Variants in GAP43 observed in about 807,000 individuals in gnomAD.
GAP43 encodes the protein neuromodulin.
GAP43 carries 6 observed loss-of-function variants against 18.6 expected under a neutral mutation model. The ratio of observed to expected loss-of-function variants is 0.32; its 90% CI spans 0.18 to 0.64. GAP43 has a LOEUF of 0.64. Ranked by LOEUF, GAP43 falls within the 30% of genes least tolerant of loss-of-function variation. The probability of loss-of-function intolerance (pLI) is 0.78; values close to 1 mark genes in which losing one functional copy is unlikely to be tolerated. For missense variants in GAP43, 292 were observed against 295.5 expected (o/e 0.99, Z 0.09); for synonymous variants, 115 against 111.4 (o/e 1.03, Z -0.20).
chr3:115,694,605 C>CTTT (rs34241916), intron 2 of GAP43, among the ~76,000 whole-genome samples: 1 of 152,222 alleles, frequency 6.6e-6, no homozygotes, highest in Non-Finnish European at 1.5e-5. Context: ...ATCACTGTCC[C>CTTT]TTTTTTACAA....
intron 1 of GAP43, among the ~76,000 whole-genome samples, chr3:115,660,739 G>C (rs1286588879): frequency 6.6e-6 from 1 of 152,194 alleles, no homozygotes; most frequent in African/African-American, 2.4e-5. Context: ...TGGAGATATT[G>C]GTTCAGTGGG....
intron 1 of GAP43, among the ~76,000 whole-genome samples, chr3:115,632,061 C>T (rs1297448235): frequency 6.6e-6 from 1 of 152,090 alleles, no homozygotes; most frequent in African/African-American, 2.4e-5. Flanking sequence ...ATTAGAAATA[C>T]CCACTGTTTT....
intron 1 of GAP43, among the ~76,000 whole-genome samples, chr3:115,635,852 A>G (rs1164064026): frequency 6.6e-6 from 1 of 152,058 alleles, no homozygotes; most frequent in South Asian, 2.1e-4. Flanking sequence ...AGAACTGCCA[A>G]TTTTGCTGTC....
At chr3:115,708,472 G>C (rs1484072723) in intron 2 of GAP43, among the ~76,000 whole-genome samples, 3 of 152,136 alleles carry the variant, frequency 2.0e-5, no homozygotes, top group Non-Finnish European at 4.4e-5. Flanking sequence ...AGTCCAAGAA[G>C]GGAATTCTTG....
chr3:115,683,184 C>T (rs1428242223), intron 2 of GAP43, among the ~76,000 whole-genome samples: 1 of 149,310 alleles, frequency 6.7e-6, no homozygotes, highest in Non-Finnish European at 1.5e-5. Context: ...CACACACACA[C>T]ACACGACAAT....
intron 1 of GAP43, among the ~76,000 whole-genome samples, chr3:115,668,446 C>T (rs571112351): frequency 1.4e-4 from 21 of 152,224 alleles, no homozygotes; most frequent in South Asian, 2.1e-4. Flanking sequence ...TTATTTGAGA[C>T]GGAGTTTCGC....
intron 2 of GAP43, among the ~76,000 whole-genome samples, chr3:115,699,532 C>A (rs1030924833): frequency 6.6e-6 from 1 of 152,140 alleles, no homozygotes. Context: ...ATCAAACACC[C>A]CCTCTCTTCC....
At chr3:115,702,709 A>G (rs1709311119) in intron 2 of GAP43, among the ~76,000 whole-genome samples, 1 of 152,134 alleles carries the variant, frequency 6.6e-6, no homozygotes, top group South Asian at 2.1e-4. Flanking sequence ...CCAGTCAACT[A>G]AACAGGATTT....
At position 115,623,574 on chromosome 3, in the gene GAP43, G is replaced by A; in HGVS notation, c.-116G>A. The A allele has an allele frequency of 7.3e-7, 1 of 1,368,978 alleles. No homozygotes were observed. The highest frequency in any genetic ancestry group is 1.0e-6 in the Non-Finnish European group (1 of 972,470). The allele number at this position is 1,368,978 out of a possible 1,614,324, so 84.8% of individuals were successfully genotyped here. ...AGAGGGAGGGAGGGAGAGAGAGCGC[G>A]CTAGCGCGAGAGAGCGAGTGAGCAA... On this transcript the variant is annotated 5_prime_UTR_variant, in exon 1 of 3. Transcript: ENST00000305124.
At chr3:115,687,659 A>G (rs537026942) in intron 2 of GAP43, among the ~76,000 whole-genome samples, 2 of 152,304 alleles carry the variant, frequency 1.3e-5, no homozygotes, top group African/African-American at 4.8e-5. Context: ...GGCCAGGTTA[A>G]CAAGGATTGG....
At chr3:115,692,418 T>C (rs1463402579) in intron 2 of GAP43, among the ~76,000 whole-genome samples, 3 of 152,168 alleles carry the variant, frequency 2.0e-5, no homozygotes, top group Non-Finnish European at 2.9e-5. Flanking sequence ...ATATCTGTTG[T>C]CATGGAAGTT....
intron 1 of GAP43, among the ~76,000 whole-genome samples, chr3:115,633,734 T>G (rs1411108466): frequency 6.6e-6 from 1 of 152,178 alleles, no homozygotes; most frequent in South Asian, 2.1e-4. Flanking sequence ...GGCTTACCTC[T>G]GGCAGGTGCC....
chr3:115,636,503 T>C (rs995855462), intron 1 of GAP43, among the ~76,000 whole-genome samples: 2 of 152,128 alleles, frequency 1.3e-5, no homozygotes, highest in Non-Finnish European at 2.9e-5. Flanking sequence ...CTTGTGCATC[T>C]AGATGGGTAC....
At chr3:115,659,785 G>C (rs544633341) in intron 1 of GAP43, among the ~76,000 whole-genome samples, 1 of 152,162 alleles carries the variant, frequency 6.6e-6, no homozygotes, top group African/African-American at 2.4e-5. Context: ...AAGCTCATGA[G>C]GGTTAGAACC....
At chr3:115,655,215 C>G (rs138756880) in intron 1 of GAP43, among the ~76,000 whole-genome samples, 5 of 152,256 alleles carry the variant, frequency 3.3e-5, no homozygotes, top group Middle Eastern at 3.4e-3. Context: ...CTGTGAACAC[C>G]AGAATATTTC....
At chr3:115,695,845 C>T (rs1709181517) in intron 2 of GAP43, among the ~76,000 whole-genome samples, 1 of 152,202 alleles carries the variant, frequency 6.6e-6, no homozygotes, top group Non-Finnish European at 1.5e-5. Flanking sequence ...TACCTATTAA[C>T]AGCATCGCAG....
chr3:115,676,210 T>C lies in GAP43; in HGVS notation c.228T>C (p.Asp76=), dbSNP rs368611099. Residue 76 remains aspartate (D), a synonymous_variant, in exon 2 of 3, where the codon GAT becomes GAC. Transcript: ENST00000305124. ...AGAAGGATGAAGCCCCTGTTGCCGA[T>C]GGGGTGGAGAAGAAGGGAGAAGGCA... ...ANKKDEAPVA[D]GVEKKGEGTT... is the part of the protein sequence containing the mutation. 4 of 1,613,906 alleles carry C rather than the reference T, an allele frequency of 2.5e-6. No homozygotes were observed. The African/African-American group carries it at 4.0e-5, about 16-fold the overall frequency.
chr3:115,695,786 C>A (rs1440391068), intron 2 of GAP43, among the ~76,000 whole-genome samples: 1 of 152,190 alleles, frequency 6.6e-6, no homozygotes, highest in African/African-American at 2.4e-5. Flanking sequence ...CACAAACGAC[C>A]TCCACATCGC....
At chr3:115,699,316 C>T (rs1421246470) in intron 2 of GAP43, among the ~76,000 whole-genome samples, 1 of 152,168 alleles carries the variant, frequency 6.6e-6, no homozygotes, top group Non-Finnish European at 1.5e-5. Flanking sequence ...CACTTGTTCT[C>T]TCCCATATTG....
Sources: allele counts gnomAD v4.1 joint callset (sites outside exome capture counted in the v4.1 genomes callset), GRCh38; gene constraint gnomAD v4.1.1; transcripts MANE v1.5; gene names NCBI Gene and HGNC (gene_info 2026-07-23, HGNC 2026-07-21).